TRIOBP: variants seen among roughly 807,000 people sequenced by gnomAD.
The protein encoded by TRIOBP is TRIO and F-actin-binding protein.
TRIOBP carries 169 observed loss-of-function variants against 238.8 expected under a neutral mutation model. The ratio of observed to expected loss-of-function variants is 0.71; its 90% CI spans 0.62 to 0.80. The LOEUF is 0.80. TRIOBP is among the 30% of genes least tolerant of loss of function. The pLI is 0.00. For missense variants in TRIOBP, 2,838 were observed against 3,122.6 expected (o/e 0.91, Z 2.17); for synonymous variants, 1,150 against 1,274.4 (o/e 0.90, Z 2.08).
intron 7 of TRIOBP, among the ~76,000 whole-genome samples, chr22:37,728,489 T>G (rs1372039763): frequency 6.6e-6 from 1 of 152,096 alleles, no homozygotes; most frequent in Non-Finnish European, 1.5e-5. Context: ...CCTTTTCCAG[T>G]AAGCTTGATC....
chr22:37,711,599 A>C (rs369818620), intron 4 of TRIOBP, among the ~76,000 whole-genome samples: 9,050 of 149,692 alleles, frequency 0.06, 389 homozygotes, highest in African/African-American at 0.11. Flanking sequence ...AAAACAACAA[A>C]AAAAAAAAAC....
chr22:37,748,434 C>T (rs1925395547), intron 11 of TRIOBP, among the ~76,000 whole-genome samples: 1 of 152,166 alleles, frequency 6.6e-6, no homozygotes. Context: ...AGCTTTGCTC[C>T]CGGATCAGCC....
At chr22:37,771,787 G>A (rs985419704) in intron 22 of TRIOBP, 51 bp downstream of exon 22, 4 of 1,554,076 alleles carry the variant, frequency 2.6e-6, no homozygotes, top group Non-Finnish European at 3.5e-6. Flanking sequence ...GAGCCATCTG[G>A]ATGCCATCCT....
chr22:37,772,903 C>G (rs946339530), intron 23 of TRIOBP, 139 bp downstream of exon 23: 1 of 1,077,322 alleles, frequency 9.3e-7, no homozygotes, highest in Non-Finnish European at 1.3e-6. Flanking sequence ...ACAATGAAAC[C>G]AGCAACACGG....
intron 11 of TRIOBP, among the ~76,000 whole-genome samples, chr22:37,748,834 G>C (rs1925420846): frequency 1.3e-5 from 2 of 152,158 alleles, no homozygotes; most frequent in Admixed American, 6.5e-5. Context: ...ATTAAGCTGG[G>C]TCTTAAGGCC....
At chr22:37,710,894 C>A (rs1046180131) in intron 4 of TRIOBP, among the ~76,000 whole-genome samples, 3 of 152,226 alleles carry the variant, frequency 2.0e-5, no homozygotes. Flanking sequence ...GCTGTACACT[C>A]ACCTTGCAGT....
intron 11 of TRIOBP, chr22:37,751,286 C>T: frequency 2.9e-6 from 1 of 345,170 alleles, no homozygotes; most frequent in Non-Finnish European, 5.9e-6. Context: ...CTGGCTCCAC[C>T]TCCCATAGTC....
At position 37,757,965 on chromosome 22, in the gene TRIOBP, C is replaced by A; in HGVS notation, c.6040C>A (p.Leu2014Met). 2 of 1,573,266 alleles carry A rather than the reference C, an allele frequency of 1.3e-6. No individual in the cohort carries two copies. ...GCCGCGCCGGGGCCTGGGTGCCCCC[C>A]TGACTGAGGACCAGCAAAACCGGCT... ...EGPRRGLGAPLTEDQQNRLSE... is the reference protein window; with the variant it reads ...EGPRRGLGAPMTEDQQNRLSE... Residue 2014 changes from leucine (L) to methionine (M), a missense_variant, in exon 16 of 24, where the codon CTG becomes ATG. Coordinates refer to ENST00000644935, the MANE Select transcript of TRIOBP (RefSeq NM_001039141.3).
intron 6 of TRIOBP, among the ~76,000 whole-genome samples, chr22:37,721,764 AG>A (rs1378357360): frequency 6.6e-6 from 1 of 152,224 alleles, no homozygotes; most frequent in African/African-American, 2.4e-5. Context: ...TACAGGTGTA[AG>A]CCACCACACC....
chr22:37,698,514 A>C (rs560990111), intron 2 of TRIOBP, among the ~76,000 whole-genome samples: 165 of 151,552 alleles, frequency 1.1e-3, no homozygotes, highest in African/African-American at 3.8e-3. Context: ...CACCACGCCC[A>C]GCTAATTTTT....
chr22:37,705,618 C>T (rs1922904254), intron 3 of TRIOBP, among the ~76,000 whole-genome samples: 2 of 151,886 alleles, frequency 1.3e-5, no homozygotes, highest in African/African-American at 4.8e-5. Flanking sequence ...CTCTGTCGCA[C>T]AGGCTGGAGT....
chr22:37,715,325 T>C (rs1043797242), intron 5 of TRIOBP, among the ~76,000 whole-genome samples: 21 of 150,950 alleles, frequency 1.4e-4, no homozygotes, highest in Admixed American at 1.3e-3. Context: ...GGGAAGTGCT[T>C]TGTTTTTTTT....
rs747181923 is a variant in TRIOBP, at chr22:37,769,009, T to C, written c.6576-19T>C. ...GAGCAAGACAACCTATGCTCTCCTC[T>C]GCTCCTCCTCTGGGGCAGGTCAGAT... On this transcript the variant is annotated intron_variant, in intron 19 of 23. Transcript: ENST00000644935. 6.2e-7 allele frequency: 1 copy of C among 1,613,108 alleles called. No homozygotes were observed. The highest frequency in any genetic ancestry group is 2.2e-5 in the East Asian group (1 of 44,880).
At chr22:37,755,744 T>C (rs1361296829) in intron 15 of TRIOBP, 85 bp downstream of exon 15, 1 of 1,111,802 alleles carries the variant, frequency 9.0e-7, no homozygotes, top group African/African-American at 1.5e-5. Flanking sequence ...ACCTGAGGGC[T>C]GCACCTTTCT....
intron 17 of TRIOBP, 101 bp from the exon 18 acceptor site, chr22:37,765,569 G>T: frequency 2.7e-6 from 4 of 1,484,382 alleles, no homozygotes; most frequent in Non-Finnish European, 3.6e-6. Flanking sequence ...CCCAGGAGGA[G>T]GTGGTGTACC....
chr22:37,758,584 G>A (rs1194127289), intron 16 of TRIOBP, among the ~76,000 whole-genome samples: 1 of 152,124 alleles, frequency 6.6e-6, no homozygotes, highest in Non-Finnish European at 1.5e-5. Context: ...GCTGAGGTGG[G>A]AGGATGGCTG....
At position 37,763,457 on chromosome 22, in the gene TRIOBP, G is replaced by T. The variant is rs1269015202; in HGVS notation, c.6325-2213G>T. Among the ~76,000 whole-genome samples, 3 of 152,224 alleles carry T rather than the reference G, an allele frequency of 2.0e-5. No homozygotes were observed. In the East Asian group the frequency reaches 5.8e-4, roughly 29 times the overall value. Reference sequence around the variant, plus strand: ...TCGCCACATGAAGCTCTTGGCCCTCGCTCCTCCATCAAATCGTCCCCAGGT... The same window carrying T: ...TCGCCACATGAAGCTCTTGGCCCTCTCTCCTCCATCAAATCGTCCCCAGGT... On this transcript the variant is annotated intron_variant, in intron 17 of 23. Transcript: ENST00000644935.
intron 15 of TRIOBP, among the ~76,000 whole-genome samples, chr22:37,756,461 G>A (rs973905228): frequency 3.9e-5 from 6 of 152,220 alleles, no homozygotes; most frequent in East Asian, 1.9e-4. Flanking sequence ...CATCTGTCAC[G>A]TTAGCATGTC....
At chr22:37,742,748 G>A (rs1925000792) in intron 11 of TRIOBP, among the ~76,000 whole-genome samples, 1 of 152,192 alleles carries the variant, frequency 6.6e-6, no homozygotes, top group Non-Finnish European at 1.5e-5. Flanking sequence ...AAGGAGGAGC[G>A]AAGCAGGGAA....
Sources: allele counts gnomAD v4.1 joint callset (sites outside exome capture counted in the v4.1 genomes callset), GRCh38; gene constraint gnomAD v4.1.1; transcripts MANE v1.5; gene names NCBI Gene and HGNC (gene_info 2026-07-23, HGNC 2026-07-21).